The following NIPA1 variants were observed in gnomAD, a reference collection of about 807,000 sequenced individuals.
The protein encoded by NIPA1 is NIPA magnesium transporter 1.
Under a neutral mutation model 23.9 loss-of-function variants are expected in NIPA1, and 13 were observed. The observed-to-expected ratio is 0.54, with a 90% CI of 0.35 to 0.87. The LOEUF is 0.87. Ranked by LOEUF, NIPA1 falls within the 40% of genes least tolerant of loss-of-function variation. NIPA1 has a pLI of 0.01. For synonymous variants in NIPA1, 234 were observed against 202.9 expected (o/e 1.15, Z -1.30); for missense variants, 362 against 429.7 (o/e 0.84, Z 1.39).
Position 22,827,260 on chromosome 15 carries a change from G to A in NIPA1, c.*3021G>A, listed in dbSNP as rs1237383082. 1.3e-5 allele frequency: 2 copies of A among 152,078 alleles called. No individual in the cohort carries two copies. Among genetic ancestry groups the A allele is most frequent in the Non-Finnish European group, 2.9e-5 (2 of 68,026 alleles). 9.4% of individuals were successfully genotyped at this position (152,078 alleles called of 1,614,324 possible). A position where few individuals can be genotyped will look rare whatever the true frequency, so the allele number is the denominator to read the frequency against. Reference sequence around the variant, plus strand: ...GCCTTGTTTTCTCCTCTGAATATTTGCATTTGAAAGGATTGCTTCCTGTTC... The same window carrying A: ...GCCTTGTTTTCTCCTCTGAATATTTACATTTGAAAGGATTGCTTCCTGTTC... On this transcript the variant is annotated 3_prime_UTR_variant, in exon 5 of 5. Transcript: ENST00000337435.
chr15:22,806,417 G>T (rs1895213893), intron 1 of NIPA1, among the ~76,000 whole-genome samples: 1 of 152,132 alleles, frequency 6.6e-6, no homozygotes, highest in Non-Finnish European at 1.5e-5. Flanking sequence ...AGCACCCAGG[G>T]TTTCCAATGA....
rs1448229485 is a variant in NIPA1, at chr15:22,801,062, A to G, written c.179-9687A>G. ...GCACTCCAGCTTGGGTGACAAGAGT[A>G]AAACTCCAGCTCAAGAAAAAAAAAA... is the stretch of plus-strand genomic sequence containing the variant. On this transcript the variant is annotated intron_variant, in intron 1 of 4. Transcript: ENST00000337435. 4.4e-5 allele frequency among the ~76,000 whole-genome samples: 6 copies of G among 135,376 alleles called. No individual in the cohort carries two copies. In the East Asian group the frequency reaches 9.1e-4, roughly 20 times the overall value. 88.8% of individuals were successfully genotyped at this position (135,376 alleles called of 152,430 possible).
At chr15:22,797,088 G>A (rs1486087257) in intron 1 of NIPA1, among the ~76,000 whole-genome samples, 2 of 151,162 alleles carry the variant, frequency 1.3e-5, no homozygotes, top group Non-Finnish European at 2.9e-5. Context: ...CACCCAGGCT[G>A]GAGTGCAGTG....
chr15:22,807,980 G>C (rs1165740779), intron 1 of NIPA1, among the ~76,000 whole-genome samples: 1 of 151,852 alleles, frequency 6.6e-6, no homozygotes, highest in Non-Finnish European at 1.5e-5. Flanking sequence ...TAGTAGAGAC[G>C]GGGTTTCACT....
intron 3 of NIPA1, among the ~76,000 whole-genome samples, chr15:22,817,373 C>A (rs745312685): frequency 6.6e-6 from 1 of 151,232 alleles, no homozygotes; most frequent in Non-Finnish European, 1.5e-5. Flanking sequence ...GTGGCGCATG[C>A]CTGTAATCCC....
intron 3 of NIPA1, chr15:22,814,221 A>G: frequency 1.5e-6 from 1 of 674,804 alleles, no homozygotes; most frequent in South Asian, 1.7e-5. Flanking sequence ...AAAGATGATT[A>G]TCAAAGTGTG....
intron 1 of NIPA1, among the ~76,000 whole-genome samples, chr15:22,796,174 A>T (rs1019674229): frequency 6.6e-6 from 1 of 151,908 alleles, no homozygotes; most frequent in African/African-American, 2.4e-5. Context: ...CCTCCACCTC[A>T]GCCTCCCAAA....
chr15:22,802,242 A>G (rs1437983275), intron 1 of NIPA1, among the ~76,000 whole-genome samples: 1 of 152,050 alleles, frequency 6.6e-6, no homozygotes, highest in Non-Finnish European at 1.5e-5. Context: ...AAATACAAAA[A>G]TTAGCCAGGC....
chr15:22,813,849 C>G (rs557420052), intron 3 of NIPA1: 2 of 382,680 alleles, frequency 5.2e-6, no homozygotes, highest in African/African-American at 4.1e-5. Flanking sequence ...GGCTCTGAGG[C>G]GCTGGGAGGG....
intron 1 of NIPA1, among the ~76,000 whole-genome samples, chr15:22,803,397 A>G (rs753804117): frequency 6.6e-6 from 1 of 151,540 alleles, no homozygotes; most frequent in African/African-American, 2.4e-5. Context: ...ATACGCATAT[A>G]TTAACCATAC....
chr15:22,790,547 G>A (rs1894805567), intron 1 of NIPA1, among the ~76,000 whole-genome samples: 1 of 151,626 alleles, frequency 6.6e-6, no homozygotes, highest in African/African-American at 2.4e-5. Context: ...CTCCCGAGTA[G>A]TTGGGTTATA....
rs536521096 is a variant in NIPA1 at position 22,824,440 on chromosome 15, A to G, written c.*201A>G. On this transcript the variant is annotated 3_prime_UTR_variant, in exon 5 of 5. Coordinates refer to ENST00000337435, the MANE Select transcript of NIPA1 (RefSeq NM_144599.5). This position sits in a 1 kb window ranked among gnomAD's most constrained non-coding sequence, Gnocchi z 4.1. ...GCCCTCTGCAGCCCAAACGTCCCCA[A>G]CGGTTGCCTGGCACCATCTCTCTCT... The G allele has an allele frequency of 3.4e-5, 20 of 595,628 alleles. No individual in the cohort carries two copies. The highest frequency in any genetic ancestry group is 1.1e-4 in the African/African-American group (6 of 54,054). 36.9% of individuals were successfully genotyped at this position (595,628 alleles called of 1,614,324 possible). A position where few individuals can be genotyped will look rare whatever the true frequency, so the allele number is the denominator to read the frequency against.
At chr15:22,795,277 A>G (rs1023084724) in intron 1 of NIPA1, among the ~76,000 whole-genome samples, 4 of 152,048 alleles carry the variant, frequency 2.6e-5, no homozygotes, top group African/African-American at 9.7e-5. Context: ...TGTTTCCATC[A>G]GAAAAGGAGA....
intron 1 of NIPA1, among the ~76,000 whole-genome samples, chr15:22,801,288 A>C (rs747194435): frequency 4.6e-5 from 7 of 152,058 alleles, no homozygotes; most frequent in Non-Finnish European, 8.8e-5. Context: ...TCATTATCCT[A>C]GATTTTTCTG....
intron 1 of NIPA1, among the ~76,000 whole-genome samples, chr15:22,802,162 G>A (rs1409312703): frequency 6.6e-6 from 1 of 152,026 alleles, no homozygotes; most frequent in East Asian, 1.9e-4. Flanking sequence ...GGGAGGCCGA[G>A]GCAGGCAGAT....
intron 1 of NIPA1, among the ~76,000 whole-genome samples, chr15:22,802,187 T>C (rs1048977415): frequency 1.3e-5 from 2 of 151,552 alleles, no homozygotes; most frequent in Non-Finnish European, 2.9e-5. Flanking sequence ...AGGTCAGGAG[T>C]TCGAGACCAG....
At chr15:22,800,154 CT>C (rs1191097624) in intron 1 of NIPA1, among the ~76,000 whole-genome samples, 1 of 151,824 alleles carries the variant, frequency 6.6e-6, no homozygotes, top group Non-Finnish European at 1.5e-5. Context: ...CCATGGTCCC[CT>C]GAATTACTCA....
chr15:22,815,991 T>G (rs574415215), intron 3 of NIPA1, among the ~76,000 whole-genome samples: 1 of 152,170 alleles, frequency 6.6e-6, no homozygotes, highest in African/African-American at 2.4e-5. Context: ...ACATCATACT[T>G]AATGGCACAA....
intron 1 of NIPA1, among the ~76,000 whole-genome samples, chr15:22,789,666 G>A (rs774615005): frequency 2.6e-5 from 4 of 152,172 alleles, no homozygotes; most frequent in African/African-American, 4.8e-5. Flanking sequence ...GAGTCATGTG[G>A]CACCAAAGTA....
Sources: allele counts gnomAD v4.1 joint callset (sites outside exome capture counted in the v4.1 genomes callset), GRCh38; gene constraint gnomAD v4.1.1; non-coding constraint Gnocchi (gnomAD v3.1); transcripts MANE v1.5; gene names NCBI Gene and HGNC (gene_info 2026-07-23, HGNC 2026-07-21).